The following PCDH9 variants were observed in gnomAD, a reference collection of about 807,000 sequenced individuals.
PCDH9 encodes protocadherin-9.
In PCDH9, 24 loss-of-function variants were observed where a neutral mutation model predicts 70.6. The observed-to-expected ratio is 0.34, with a 90% CI of 0.25 to 0.48. The LOEUF is 0.48. Among genes scored for constraint, PCDH9 ranks in the 20% least tolerant of loss-of-function variants. The pLI, the probability that PCDH9 is intolerant of heterozygous loss-of-function variation, is 0.99. For missense variants in PCDH9, 1,281 were observed against 1,503.6 expected, an observed-to-expected ratio of 0.85 and a Z score of 2.45; for synonymous variants, 562 against 558.5, an observed-to-expected ratio of 1.01 and a Z score of -0.09.
At chr13:66,912,789 C>T (rs1362248686) in intron 2 of PCDH9, among the ~76,000 whole-genome samples, 1 of 151,932 alleles carries the variant, frequency 6.6e-6, no homozygotes, top group East Asian at 1.9e-4. Context: ...AGCATAAATG[C>T]ATCCTGGATT....
chr13:66,364,802 T>C (rs1235571442), intron 4 of PCDH9, among the ~76,000 whole-genome samples: 1 of 152,216 alleles, frequency 6.6e-6, no homozygotes, highest in Non-Finnish European at 1.5e-5. Context: ...ACTGATTTTC[T>C]TGCATTTTCT....
chr13:66,396,933 C>A (rs1463733868), intron 4 of PCDH9, among the ~76,000 whole-genome samples: 1 of 151,840 alleles, frequency 6.6e-6, no homozygotes, highest in Admixed American at 6.6e-5. Flanking sequence ...TCATTTGGAT[C>A]AATAATTCCA....
chr13:66,573,264 A>G (rs1034487287), intron 4 of PCDH9, among the ~76,000 whole-genome samples: 5 of 132,572 alleles, frequency 3.8e-5, no homozygotes, highest in African/African-American at 1.1e-4. Flanking sequence ...TCATTTACCT[A>G]CTTTTTTTTT....
At chr13:66,561,201 G>A (rs370809983) in intron 4 of PCDH9, among the ~76,000 whole-genome samples, 1 of 152,210 alleles carries the variant, frequency 6.6e-6, no homozygotes, top group Non-Finnish European at 1.5e-5. Context: ...GGGGCTTAGC[G>A]CCTGGGCCAG....
At chr13:67,145,233 C>T (rs867232837) in intron 2 of PCDH9, among the ~76,000 whole-genome samples, 1 of 152,010 alleles carries the variant, frequency 6.6e-6, no homozygotes, top group East Asian at 1.9e-4. Flanking sequence ...GTATGACTGT[C>T]TAAATATTAG....
intron 4 of PCDH9, among the ~76,000 whole-genome samples, chr13:66,392,731 G>T (rs998180528): frequency 3.3e-5 from 5 of 151,986 alleles, no homozygotes; most frequent in African/African-American, 9.7e-5. Context: ...CACCACTTTA[G>T]GTTACACTGC....
intron 3 of PCDH9, among the ~76,000 whole-genome samples, chr13:66,693,645 A>T (rs1341296853): frequency 6.6e-6 from 1 of 152,200 alleles, no homozygotes; most frequent in Non-Finnish European, 1.5e-5. Flanking sequence ...AATAGCAAAT[A>T]AAAATTGTTT....
At chr13:67,087,534 A>G (rs923720400) in intron 2 of PCDH9, among the ~76,000 whole-genome samples, 1 of 152,152 alleles carries the variant, frequency 6.6e-6, no homozygotes, top group Non-Finnish European at 1.5e-5. Flanking sequence ...AGTTAAAAAT[A>G]TTTTAAATGC....
At position 67,229,918 on chromosome 13, in the gene PCDH9, T is replaced by C. The variant is rs1425806307; in HGVS notation, c.-274A>G. ...AGCAAAATGTTTCCTCCTTGTAAAATGTGTTGCTTCGGGCTGGCAAATTAG... is the reference window on the plus strand; with the variant it reads ...AGCAAAATGTTTCCTCCTTGTAAAACGTGTTGCTTCGGGCTGGCAAATTAG... On this transcript the variant is annotated 5_prime_UTR_variant, in exon 1 of 5. Coordinates refer to ENST00000377865, the MANE Select transcript of PCDH9 (RefSeq NM_203487.3). 6.6e-6 allele frequency: 1 copy of C among 152,186 alleles called. No individual in the cohort carries two copies. The highest frequency in any genetic ancestry group is 6.5e-5 in the Admixed American group (1 of 15,276). 9.4% of individuals were successfully genotyped at this position (152,186 alleles called of 1,614,324 possible). A position where few individuals can be genotyped will look rare whatever the true frequency, so the allele number is the denominator to read the frequency against.
chr13:66,607,262 T>C (rs941597836), intron 4 of PCDH9, among the ~76,000 whole-genome samples: 1 of 152,200 alleles, frequency 6.6e-6, no homozygotes, highest in Admixed American at 6.5e-5. Flanking sequence ...AGTTTTTTCA[T>C]GTGAAAATGA....
intron 4 of PCDH9, among the ~76,000 whole-genome samples, chr13:66,306,757 C>T (rs1429119697): frequency 1.3e-5 from 2 of 151,826 alleles, no homozygotes; most frequent in Non-Finnish European, 2.9e-5. Flanking sequence ...TAAAACTTTT[C>T]CTCTCACATA....
chr13:66,704,107 T>A (rs1002703173), intron 3 of PCDH9, among the ~76,000 whole-genome samples: 4 of 152,178 alleles, frequency 2.6e-5, no homozygotes, highest in African/African-American at 9.7e-5. Context: ...AAACAAGAAT[T>A]TTTCAAAATA....
chr13:66,538,140 A>G (rs1960785479), intron 4 of PCDH9, among the ~76,000 whole-genome samples: 1 of 152,138 alleles, frequency 6.6e-6, no homozygotes, highest in Non-Finnish European at 1.5e-5. Context: ...TGTTTCACTT[A>G]TATTTTCATT....
rs970202357 is a variant in PCDH9, at chr13:66,647,330, T to A, written c.3139-15919A>T. Among the ~76,000 whole-genome samples, 2 of 152,078 alleles carry A rather than the reference T, an allele frequency of 1.3e-5. 1 individual carries two copies. The highest frequency in any genetic ancestry group is 1.3e-4 in the Admixed American group (2 of 15,262). On this transcript the variant is annotated intron_variant, in intron 3 of 4. Coordinates refer to ENST00000377865, the MANE Select transcript of PCDH9 (RefSeq NM_203487.3). ...GAGGAGAGGGAAGAGTAAACAGGAC[T>A]TTGTCTTGCAACTTGCTTACAAGCT... is the stretch of plus-strand genomic sequence containing the variant.
chr13:66,649,850 G>C (rs902198049), intron 3 of PCDH9, among the ~76,000 whole-genome samples: 1 of 151,844 alleles, frequency 6.6e-6, no homozygotes, highest in Middle Eastern at 3.4e-3. Context: ...GTTTTTATTA[G>C]TTTCTTCTTC....
chr13:66,631,195 T>C lies in PCDH9; in HGVS notation c.3340+15A>G. The C allele has an allele frequency of 7.0e-7, 1 of 1,425,816 alleles. No individual in the cohort carries two copies. Among genetic ancestry groups the C allele is most frequent in the Admixed American group, 1.7e-5 (1 of 59,644 alleles). 88.3% of individuals were successfully genotyped at this position (1,425,816 alleles called of 1,614,324 possible). On this transcript the variant is annotated intron_variant, in intron 4 of 4. Transcript: ENST00000377865. Reference sequence around the variant, plus strand: ...AGAACAACTCCAAGCAATCAAAATTTTGAAGGGGACTCACCAGAGTTGGGA... The same window carrying C: ...AGAACAACTCCAAGCAATCAAAATTCTGAAGGGGACTCACCAGAGTTGGGA...
intron 2 of PCDH9, among the ~76,000 whole-genome samples, chr13:67,018,969 C>A (rs141472239): frequency 2.0e-5 from 3 of 152,164 alleles, no homozygotes; most frequent in Non-Finnish European, 4.4e-5. Flanking sequence ...CACCACCTGC[C>A]CTAGTTGCTT....
chr13:67,014,362 C>G (rs1049829469), intron 2 of PCDH9, among the ~76,000 whole-genome samples: 2 of 152,028 alleles, frequency 1.3e-5, no homozygotes, highest in African/African-American at 4.8e-5. Flanking sequence ...GCTTTCCTCG[C>G]ATAATATCCT....
rs182587099 is a variant in PCDH9 at position 66,724,947 on chromosome 13, G to A, written c.3139-93536C>T. ...GTAGTCATTATACAGTTCAACCAATGTTTGAGATTTAAATATTACATAGTG... is the reference window on the plus strand; with the variant it reads ...GTAGTCATTATACAGTTCAACCAATATTTGAGATTTAAATATTACATAGTG... On this transcript the variant is annotated intron_variant, in intron 3 of 4. Transcript: ENST00000377865. 9.0e-4 allele frequency among the ~76,000 whole-genome samples: 137 copies of A among 152,162 alleles called. 1 individual carries two copies. In the South Asian group the frequency reaches 0.015, roughly 17 times the overall value.
Sources: allele counts gnomAD v4.1 joint callset (sites outside exome capture counted in the v4.1 genomes callset), GRCh38; gene constraint gnomAD v4.1.1; transcripts MANE v1.5; gene names NCBI Gene and HGNC (gene_info 2026-07-23, HGNC 2026-07-21).